CGN: variants seen among roughly 807,000 people sequenced by gnomAD.
CGN encodes the protein cingulin.
In CGN, 121 loss-of-function variants were observed where a neutral mutation model predicts 157.1. That is an observed-to-expected ratio of 0.77 (90% CI 0.66 to 0.90). The LOEUF is 0.90. Among genes scored for constraint, CGN ranks in the 40% least tolerant of loss-of-function variants. The probability of loss-of-function intolerance (pLI) is 0.00; values close to 1 mark genes in which losing one functional copy is unlikely to be tolerated. For missense variants in CGN, 1,424 were observed against 1,520.9 expected (o/e 0.94, Z 1.06); for synonymous variants, 535 against 607.5 (o/e 0.88, Z 1.76).
At chr1:151,533,792 T>TA (rs1384103253) in intron 14 of CGN, among the ~76,000 whole-genome samples, 183 bp from the exon 15 acceptor site, 1 of 152,002 alleles carries the variant, frequency 6.6e-6, no homozygotes, top group African/African-American at 2.4e-5. Flanking sequence ...AGACTCCATC[T>TA]AAAAAATGAA....
chr1:151,526,148 G>A (rs6675984), intron 9 of CGN, among the ~76,000 whole-genome samples: 48,167 of 150,840 alleles, frequency 0.32, 9,546 homozygotes, highest in East Asian at 0.81. Flanking sequence ...CTGGGATTAC[G>A]GGTGTGAGCC....
Position 151,529,547 on chromosome 1 carries a change from A to C in CGN, c.2094A>C (p.Glu698Asp). 1 of 1,613,506 alleles carries C rather than the reference A, an allele frequency of 6.2e-7. No homozygotes were observed. Among genetic ancestry groups the C allele is most frequent in the South Asian group, 1.1e-5 (1 of 90,994 alleles). The change falls in exon 11 of 21, where the codon GAA becomes GAC. Residue 698 changes from glutamate (E) to aspartate (D), a missense_variant. By Grantham distance (45) the Glu-to-Asp change is conservative (BLOSUM62 2). Transcript: ENST00000271636. ...TCCAGCAACTGCGACAGGACTGTGA[A>C]GAGGCTTCCAAGGCAAGGGGAGTGG... is the stretch of plus-strand genomic sequence containing the variant. ...KTLQQLRQDC[E>D]EASKAKMVAE...
Position 151,530,120 on chromosome 1 carries a change from G to A in CGN, c.2313+5G>A. Reference sequence around the variant, plus strand: ...GACAAGCTGCAGCGGCTGGAGGTCAGTGGTTCTGCCCTCCCAGCCCTCTCT... The same window carrying A: ...GACAAGCTGCAGCGGCTGGAGGTCAATGGTTCTGCCCTCCCAGCCCTCTCT... On this transcript the variant is annotated splice_donor_5th_base_variant and intron_variant, in intron 12 of 20. Coordinates refer to ENST00000271636, the MANE Select transcript of CGN (RefSeq NM_020770.3). The A allele has an allele frequency of 6.2e-7, 1 of 1,608,922 alleles. No individual in the cohort carries two copies. Among genetic ancestry groups the A allele is most frequent in the Non-Finnish European group, 8.5e-7 (1 of 1,176,090 alleles).
At position 151,520,593 on chromosome 1, in the gene CGN, C is replaced by T. The variant is rs1365090996; in HGVS notation, c.1045-3C>T. 6.2e-7 allele frequency: 1 copy of T among 1,614,156 alleles called. No homozygotes were observed. The highest frequency in any genetic ancestry group is 2.2e-5 in the East Asian group (1 of 44,888). ...TCCCCCACACCCCCCATATCTCTGG[C>T]AGATGGTTTCTTCTGGTTCTACTAA... is the stretch of plus-strand genomic sequence containing the variant. On this transcript the variant is annotated splice_region_variant and splice_polypyrimidine_tract_variant and intron_variant, in intron 4 of 20. Coordinates refer to ENST00000271636, the MANE Select transcript of CGN (RefSeq NM_020770.3).
chr1:151,524,113 A>G lies in CGN; in HGVS notation c.1269-113A>G, dbSNP rs1427839253. 9.3e-7 allele frequency: 1 copy of G among 1,074,578 alleles called. No homozygotes were observed. The highest frequency in any genetic ancestry group is 1.3e-6 in the Non-Finnish European group (1 of 751,968). The allele number at this position is 1,074,578 out of a possible 1,614,324, so 66.6% of individuals were successfully genotyped here. A position where few individuals can be genotyped will look rare whatever the true frequency, so the allele number is the denominator to read the frequency against. On this transcript the variant is annotated intron_variant, in intron 6 of 20. Coordinates refer to ENST00000271636, the MANE Select transcript of CGN (RefSeq NM_020770.3). This position sits in a 1 kb window ranked among gnomAD's most constrained non-coding sequence, Gnocchi z 4.4. The stretch of plus-strand genomic sequence containing the variant: ...GGTTGCAAAAATCAGGGGAGGCCTC[A>G]TCAAGATTTGAAGGAAGGAAGTTTA...
intron 5 of CGN, 106 bp from the exon 6 acceptor site, chr1:151,523,328 A>C: frequency 2.8e-6 from 3 of 1,077,100 alleles, no homozygotes; most frequent in Non-Finnish European, 4.0e-6. Flanking sequence ...TATAGTGTCT[A>C]TCATACAGCA....
In CGN at chr1:151,534,686, C is replaced by T. The variant is rs552998663; in HGVS notation, c.2905-356C>T. 28 of 278,716 alleles carry T rather than the reference C, an allele frequency of 1.0e-4. No homozygotes were observed. The East Asian group carries it at 2.5e-3, about 25-fold the overall frequency. 17.3% of individuals were successfully genotyped at this position (278,716 alleles called of 1,614,324 possible). A position where few individuals can be genotyped will look rare whatever the true frequency, so the allele number is the denominator to read the frequency against. ...TACTCTTAGCCTCTACGTGGTACTGCCTCCAGTACCTCAGTTTCTGAGTCT... is the reference window on the plus strand; with the variant it reads ...TACTCTTAGCCTCTACGTGGTACTGTCTCCAGTACCTCAGTTTCTGAGTCT... On this transcript the variant is annotated intron_variant, in intron 15 of 20. Transcript: ENST00000271636.
At chr1:151,536,614 G>A in intron 19 of CGN, 116 bp from the exon 20 acceptor site, 1 of 1,011,876 alleles carries the variant, frequency 9.9e-7, no homozygotes, top group Non-Finnish European at 1.5e-6. Context: ...TAAGGAACTT[G>A]CCCAAGGCCA....
At chr1:151,536,564 T>C (rs992466342) in intron 19 of CGN, among the ~76,000 whole-genome samples, 166 bp from the exon 20 acceptor site, 8 of 152,212 alleles carry the variant, frequency 5.3e-5, no homozygotes, top group African/African-American at 1.9e-4. Flanking sequence ...GTATTACACA[T>C]GTGTTAATAC....
chr1:151,529,960 G>A lies in CGN; in HGVS notation c.2158G>A (p.Ala720Thr), dbSNP rs764933240. ...EATVLGQRRAAVETTLRETQE... is the reference protein window; with the variant it reads ...EATVLGQRRATVETTLRETQE... ...AACAGTGCTGGGGCAGCGGCGGGCC[G>A]CAGTGGAGACGACGCTTCGGGAGAC... The change falls in exon 12 of 21, where the codon GCA (alanine) becomes ACA (threonine). Residue 720 changes from alanine (A) to threonine (T), a missense_variant. Transcript: ENST00000271636. 26 of 1,614,022 alleles carry A rather than the reference G, an allele frequency of 1.6e-5. No homozygotes were observed. The Admixed American group carries it at 1.8e-4, about 11-fold the overall frequency.
At position 151,525,753 on chromosome 1, in the gene CGN, C is replaced by T; in HGVS notation, c.1726C>T (p.Gln576Ter). The change falls in exon 9 of 21, where the codon CAG becomes TAG. Residue 576 changes from glutamine to a stop codon, truncating the protein, a stop_gained. Transcript: ENST00000271636. LOFTEE classifies it high-confidence loss of function. ...GACAGGGCATTGGCAGAGTATGTTC[C>T]AGAAGAACAAGGAGGATCTTAGAGC... ...EETGHWQSMF[Q>*]KNKEDLRATK... The T allele has an allele frequency of 1.2e-6, 2 of 1,608,926 alleles. No homozygotes were observed. The highest frequency in any genetic ancestry group is 1.7e-6 in the Non-Finnish European group (2 of 1,177,418).
At position 151,535,688 on chromosome 1, in the gene CGN, TG is replaced by T; in HGVS notation, c.3078+10del. On this transcript the variant is annotated splice_donor_region_variant and intron_variant, in intron 17 of 20. Transcript: ENST00000271636. ...AAAATCTCCTTGGAGAGACAGGTGA[TG>T]GGGGAGGGGAGGATTCTTAGGGATG... 6.2e-7 allele frequency: 1 copy of T among 1,613,438 alleles called. No homozygotes were observed. The highest frequency in any genetic ancestry group is 8.5e-7 in the Non-Finnish European group (1 of 1,179,450).
At position 151,520,063 on chromosome 1, in the gene CGN, G is replaced by T. The variant is rs1184927931; in HGVS notation, c.874-103G>T. On this transcript the variant is annotated intron_variant, in intron 2 of 20. Coordinates refer to ENST00000271636, the MANE Select transcript of CGN (RefSeq NM_020770.3). ...TCATGCTTGAAGGGACTTGACCTGA[G>T]ACTGCCACTTCTCCTCCATCTGAAC... The T allele has an allele frequency of 1.7e-5, 14 of 815,782 alleles. No individual in the cohort carries two copies. In the Admixed American group the frequency reaches 3.5e-4, roughly 20 times the overall value. 50.5% of individuals were successfully genotyped at this position (815,782 alleles called of 1,614,324 possible). A position where few individuals can be genotyped will look rare whatever the true frequency, so the allele number is the denominator to read the frequency against.
In CGN at chr1:151,524,537, T is replaced by C; in HGVS notation, c.1402-137T>C. On this transcript the variant is annotated intron_variant, in intron 7 of 20. Coordinates refer to ENST00000271636, the MANE Select transcript of CGN (RefSeq NM_020770.3). This position sits in a 1 kb window ranked among gnomAD's most constrained non-coding sequence, Gnocchi z 4.4. ...CTAGAGTTAGGATAAAGGAAACCTA[T>C]CATTCTGGGCTCCAGTACTGGTACT... The C allele has an allele frequency of 5.1e-6, 6 of 1,185,264 alleles. No homozygotes were observed. The highest frequency in any genetic ancestry group is 7.2e-6 in the Non-Finnish European group (6 of 836,694). 73.4% of individuals were successfully genotyped at this position (1,185,264 alleles called of 1,614,324 possible).
chr1:151,537,138 A>T, intron 20 of CGN, 67 bp from the exon 21 acceptor site: 2 of 1,531,384 alleles, frequency 1.3e-6, no homozygotes, highest in South Asian at 2.5e-5. Flanking sequence ...TCCTTTGTAC[A>T]AAAAGGGTGG....
At position 151,524,999 on chromosome 1, in the gene CGN, C is replaced by T. The variant is rs1664639061; in HGVS notation, c.1614+113C>T. ...GTTGCAACTGGGAACTCCCCCTCTC[C>T]TCCTAAAGGACACAGTGAGATCTGC... On this transcript the variant is annotated intron_variant, in intron 8 of 20. Coordinates refer to ENST00000271636, the MANE Select transcript of CGN (RefSeq NM_020770.3). This position sits in a 1 kb window ranked among gnomAD's most constrained non-coding sequence, Gnocchi z 4.4. The T allele has an allele frequency of 2.4e-6, 2 of 818,992 alleles. No individual in the cohort carries two copies. The highest frequency in any genetic ancestry group is 2.5e-5 in the Admixed American group (1 of 40,246). 50.7% of individuals were successfully genotyped at this position (818,992 alleles called of 1,614,324 possible).
chr1:151,530,462 G>A (rs746278919), intron 12 of CGN, 27 bp from the exon 13 acceptor site: 3 of 1,536,700 alleles, frequency 2.0e-6, no homozygotes, highest in Non-Finnish European at 2.6e-6. Flanking sequence ...CCTTTTCTCA[G>A]TCCAACCCTG....
chr1:151,524,322 C>T lies in CGN; in HGVS notation c.1365C>T (p.Val455=), dbSNP rs1664618618. ...VMELQNKLKH[V]QGPEPAKEVL... is the part of the protein sequence containing the mutation. Reference sequence around the variant, plus strand: ...AGCTGCAGAACAAGCTGAAACATGTCCAGGGTCCTGAGCCTGCTAAGGAGG... The same window carrying T: ...AGCTGCAGAACAAGCTGAAACATGTTCAGGGTCCTGAGCCTGCTAAGGAGG... Residue 455 remains valine, a synonymous_variant, in exon 7 of 21, where the codon GTC becomes GTT. Transcript: ENST00000271636. This position sits in a 1 kb window ranked among gnomAD's most constrained non-coding sequence, Gnocchi z 4.4. 2.5e-6 allele frequency: 4 copies of T among 1,614,058 alleles called. No homozygotes were observed. The East Asian group carries it at 8.9e-5, about 36-fold the overall frequency.
Position 151,535,142 on chromosome 1 carries a change from C to T in CGN, c.2994+11C>T. ...CGTGGCCGGGACCAGGTAACCGCCC[C>T]CACCCCTCATCTCTGTTTACCCCTG... On this transcript the variant is annotated intron_variant, in intron 16 of 20. Coordinates refer to ENST00000271636, the MANE Select transcript of CGN (RefSeq NM_020770.3). The T allele has an allele frequency of 1.2e-6, 2 of 1,604,534 alleles. No individual in the cohort carries two copies. Among genetic ancestry groups the T allele is most frequent in the Non-Finnish European group, 1.7e-6 (2 of 1,172,084 alleles).
Sources: gnomAD v4.1 joint callset for allele counts (sites outside exome capture counted in the v4.1 genomes callset) on GRCh38, gnomAD v4.1.1 for gene constraint, Gnocchi (gnomAD v3.1) non-coding constraint, MANE v1.5 for transcripts, NCBI Gene and HGNC (gene_info 2026-07-23, HGNC 2026-07-21) for gene names.